LRRC47: variants seen among roughly 807,000 people sequenced by gnomAD.
The protein encoded by LRRC47 is leucine-rich repeat-containing protein 47.
LRRC47 carries 31 observed loss-of-function variants against 40.9 expected under a neutral mutation model. The observed-to-expected ratio is 0.76, with a 90% CI of 0.57 to 1.02. The LOEUF (loss-of-function observed/expected upper bound fraction) is 1.02. Ranked by LOEUF, LRRC47 falls within the 50% of genes least tolerant of loss-of-function variation. The probability of loss-of-function intolerance (pLI) is 0.00; values close to 1 mark genes in which losing one functional copy is unlikely to be tolerated. For missense variants in LRRC47, 726 were observed against 796.1 expected (o/e 0.91, Z 1.06); for synonymous variants, 427 against 371.9 (o/e 1.15, Z -1.70).
In LRRC47 at chr1:3,780,859, C is replaced by A; in HGVS notation, c.*229G>T. Reference sequence around the variant, plus strand: ...AGCTTAGTGGCACACACCTGTAGTCCCAGCTACTTGGGAGGCTGAGGCAGG... The same window carrying A: ...AGCTTAGTGGCACACACCTGTAGTCACAGCTACTTGGGAGGCTGAGGCAGG... On this transcript the variant is annotated 3_prime_UTR_variant, in exon 7 of 7. Coordinates refer to ENST00000378251, the MANE Select transcript of LRRC47 (RefSeq NM_020710.3). The A allele has an allele frequency of 1.7e-6, 1 of 583,636 alleles. No individual in the cohort carries two copies. The highest frequency in any genetic ancestry group is 3.1e-5 in the East Asian group (1 of 32,266). The allele number at this position is 583,636 out of a possible 1,614,324, so 36.2% of individuals were successfully genotyped here. A position where few individuals can be genotyped will look rare whatever the true frequency, so the allele number is the denominator to read the frequency against.
rs200745667 is a variant in LRRC47 at position 3,781,175 on chromosome 1, C to T, written c.1665G>A (p.Val555=). 3.3e-5 allele frequency: 53 copies of T among 1,614,156 alleles called. No individual in the cohort carries two copies. In the East Asian group the frequency reaches 1.2e-3, roughly 36 times the overall value. ...PSLLVVEQVR[V]VDLEGSLKVV... Reference sequence around the variant, plus strand: ...CCTTCAGGCTCCCTTCCAGATCCACCACCCGGACCTGCTCCACCACCAGAA... The same window carrying T: ...CCTTCAGGCTCCCTTCCAGATCCACTACCCGGACCTGCTCCACCACCAGAA... Residue 555 remains valine, a synonymous_variant, in exon 7 of 7, where the codon GTG becomes GTA. Transcript: ENST00000378251.
At chr1:3,788,018 C>A (rs747939609) in intron 1 of LRRC47, among the ~76,000 whole-genome samples, 1 of 152,244 alleles carries the variant, frequency 6.6e-6, no homozygotes, top group African/African-American at 2.4e-5. Context: ...CGTGACTGAT[C>A]AGACTTTGGC....
intron 4 of LRRC47, chr1:3,783,020 G>C: frequency 2.0e-6 from 1 of 510,176 alleles, no homozygotes; most frequent in Non-Finnish European, 3.5e-6. Flanking sequence ...AACAGAGCAG[G>C]ACAAAAAGCT....
intron 1 of LRRC47, among the ~76,000 whole-genome samples, chr1:3,789,638 A>C (rs1048891364): frequency 6.6e-6 from 1 of 152,252 alleles, no homozygotes; most frequent in Non-Finnish European, 1.5e-5. Context: ...GAGAAAGGGC[A>C]TCTGAGCAGC....
chr1:3,785,570 C>T (rs1473203157), intron 2 of LRRC47: 1 of 152,894 alleles, frequency 6.5e-6, no homozygotes, highest in Non-Finnish European at 1.5e-5. Context: ...CCCTTCCTCC[C>T]CAAGCTGCAG....
Position 3,780,038 on chromosome 1 carries a change from G to C in LRRC47, c.*1050C>G, listed in dbSNP as rs1643503265. 1 of 152,170 alleles carries C rather than the reference G, an allele frequency of 6.6e-6. No individual in the cohort carries two copies. The highest frequency in any genetic ancestry group is 6.5e-5 in the Admixed American group (1 of 15,280). 9.4% of individuals were successfully genotyped at this position (152,170 alleles called of 1,614,324 possible). A position where few individuals can be genotyped will look rare whatever the true frequency, so the allele number is the denominator to read the frequency against. On this transcript the variant is annotated 3_prime_UTR_variant, in exon 7 of 7. Coordinates refer to ENST00000378251, the MANE Select transcript of LRRC47 (RefSeq NM_020710.3). Reference sequence around the variant, plus strand: ...CACATGCCAAGCTGCATCCTGGCATGATATGGTTTTACAAGATGCTGCGTC... The same window carrying C: ...CACATGCCAAGCTGCATCCTGGCATCATATGGTTTTACAAGATGCTGCGTC...
chr1:3,789,700 G>C (rs967635579), intron 1 of LRRC47, among the ~76,000 whole-genome samples: 3 of 152,256 alleles, frequency 2.0e-5, no homozygotes, highest in African/African-American at 7.2e-5. Flanking sequence ...GAAGGGAAGC[G>C]GGGGAAGGAG....
At position 3,787,092 on chromosome 1, in the gene LRRC47, T is replaced by A. The variant is rs1472603619; in HGVS notation, c.834A>T (p.Glu278Asp). ...TCTCCCTCCTCTTCCTCCGGCTCTC[T>A]TCCTTCTCCGAGCCCTCGGCACGGC... Reference protein sequence around the residue: ...GKGRAEGSEKEESRRKRRERK... With the variant: ...GKGRAEGSEKDESRRKRRERK... Residue 278 changes from glutamate to aspartate, a missense_variant, in exon 2 of 7, where the codon GAA becomes GAT. Coordinates refer to ENST00000378251, the MANE Select transcript of LRRC47 (RefSeq NM_020710.3). 2 of 1,613,768 alleles carry A rather than the reference T, an allele frequency of 1.2e-6. No individual in the cohort carries two copies. Among genetic ancestry groups the A allele is most frequent in the African/African-American group, 2.7e-5 (2 of 74,906 alleles).
chr1:3,785,238 T>G, intron 2 of LRRC47, 35 bp from the exon 3 acceptor site: 2 of 1,445,118 alleles, frequency 1.4e-6, no homozygotes. Context: ...CAAGGTCTCT[T>G]GTGCCCTGAA....
intron 1 of LRRC47, among the ~76,000 whole-genome samples, chr1:3,788,315 C>A (rs1387527546): frequency 1.3e-5 from 2 of 152,210 alleles, no homozygotes; most frequent in Non-Finnish European, 2.9e-5. Flanking sequence ...TGGAGGAAGA[C>A]CCTGCTCAGG....
At chr1:3,795,769 G>A (rs1358721677) in intron 1 of LRRC47, 93 bp downstream of exon 1, 1 of 1,381,514 alleles carries the variant, frequency 7.2e-7, no homozygotes, top group Non-Finnish European at 9.4e-7. Context: ...GCCCCAGGGG[G>A]CGTCACTAGG....
chr1:3,794,483 A>C (rs1557645037), intron 1 of LRRC47, among the ~76,000 whole-genome samples: 1 of 151,670 alleles, frequency 6.6e-6, no homozygotes, highest in Non-Finnish European at 1.5e-5. Context: ...AGTAGCTGGG[A>C]CTACAGGCAC....
intron 1 of LRRC47, among the ~76,000 whole-genome samples, chr1:3,792,937 A>C (rs561385090): frequency 2.6e-5 from 4 of 152,324 alleles, no homozygotes; most frequent in Admixed American, 2.6e-4. Context: ...TGTATCCAAC[A>C]TCACACCTTA....
chr1:3,790,884 A>T (rs1239059575), intron 1 of LRRC47, among the ~76,000 whole-genome samples: 1 of 31,858 alleles, frequency 3.1e-5, no homozygotes, highest in East Asian at 3.5e-4. Flanking sequence ...GGGAAAGGAC[A>T]GGCAGAAGCT....
In LRRC47 at chr1:3,796,274, G is replaced by A; in HGVS notation, c.203C>T (p.Pro68Leu). Residue 68 changes from proline (P) to leucine (L), a missense_variant, in exon 1 of 7, where the codon CCT (proline) becomes CTT (leucine). Coordinates refer to ENST00000378251, the MANE Select transcript of LRRC47 (RefSeq NM_020710.3). Reference sequence around the variant, plus strand: ...CTGCGGCAGGCCCTGCGCCAGGCCAGGCCCCGGCGCGCGCAAGCTCCCGCA... The same window carrying A: ...CTGCGGCAGGCCCTGCGCCAGGCCAAGCCCCGGCGCGCGCAAGCTCCCGCA... ...SGCGSLRAPG[P>L]GLAQGLPQLH... The A allele has an allele frequency of 2.0e-6, 3 of 1,478,032 alleles. No homozygotes were observed. Among genetic ancestry groups the A allele is most frequent in the Non-Finnish European group, 1.8e-6 (2 of 1,122,928 alleles). The allele number at this position is 1,478,032 out of a possible 1,614,324, so 91.6% of individuals were successfully genotyped here.
rs751706595 is a variant in LRRC47, at chr1:3,781,615, A to G, written c.1414-14T>C. On this transcript the variant is annotated splice_polypyrimidine_tract_variant and intron_variant, in intron 5 of 6. Coordinates refer to ENST00000378251, the MANE Select transcript of LRRC47 (RefSeq NM_020710.3). Reference sequence around the variant, plus strand: ...CGTTTTCTTAACCTTAAAAGAAAAAAACATTTCAGAAAAGAACAGTTATCA... The same window carrying G: ...CGTTTTCTTAACCTTAAAAGAAAAAGACATTTCAGAAAAGAACAGTTATCA... The G allele has an allele frequency of 2.5e-6, 4 of 1,594,692 alleles. No homozygotes were observed. The highest frequency in any genetic ancestry group is 1.1e-5 in the South Asian group (1 of 90,036).
chr1:3,781,798 A>G (rs1272969354), intron 5 of LRRC47, among the ~76,000 whole-genome samples, 197 bp from the exon 6 acceptor site: 1 of 152,154 alleles, frequency 6.6e-6, no homozygotes, highest in Non-Finnish European at 1.5e-5. Context: ...TGGACAACAC[A>G]GCAAGACCCC....
chr1:3,796,204 C>A lies in LRRC47; in HGVS notation c.273G>T (p.Leu91=). 3 of 1,428,538 alleles carry A rather than the reference C, an allele frequency of 2.1e-6. No individual in the cohort carries two copies. The highest frequency in any genetic ancestry group is 2.5e-4 in the Middle Eastern group (1 of 4,026). The allele number at this position is 1,428,538 out of a possible 1,614,324, so 88.5% of individuals were successfully genotyped here. Residue 91 remains leucine (L), a synonymous_variant, in exon 1 of 7, where the codon CTG becomes CTT. Coordinates refer to ENST00000378251, the MANE Select transcript of LRRC47 (RefSeq NM_020710.3). ...VLRRNALGPG[L]SPELGPLPAL... Reference sequence around the variant, plus strand: ...CAGGCAGCGGCCCGAGCTCGGGGCTCAGGCCGGGCCCCAGCGCGTTGCGCC... The same window carrying A: ...CAGGCAGCGGCCCGAGCTCGGGGCTAAGGCCGGGCCCCAGCGCGTTGCGCC...
rs538271197 is a variant in LRRC47 at position 3,779,250 on chromosome 1, C to G, written c.*1838G>C. The G allele has an allele frequency of 2.0e-5, 3 of 152,382 alleles. No homozygotes were observed. Among genetic ancestry groups the G allele is most frequent in the Admixed American group, 2.0e-4 (3 of 15,308 alleles). 9.4% of individuals were successfully genotyped at this position (152,382 alleles called of 1,614,324 possible). The stretch of plus-strand genomic sequence containing the variant: ...GTTAGTCTGCCCACTGCACAGGGCC[C>G]CGGGCCTCTCAGGTTGACAACTAAA... On this transcript the variant is annotated 3_prime_UTR_variant, in exon 7 of 7. Coordinates refer to ENST00000378251, the MANE Select transcript of LRRC47 (RefSeq NM_020710.3).
Sources: allele counts gnomAD v4.1 joint callset (sites outside exome capture counted in the v4.1 genomes callset), GRCh38; gene constraint gnomAD v4.1.1; transcripts MANE v1.5; gene names NCBI Gene and HGNC (gene_info 2026-07-23, HGNC 2026-07-21).